Variants in ZBTB45 observed in about 807,000 individuals in gnomAD.
ZBTB45 encodes zinc finger and BTB domain containing 45, also known as zinc finger and BTB domain-containing protein 45.
ZBTB45 carries 22 observed loss-of-function variants against 28.4 expected under a neutral mutation model. The observed-to-expected ratio is 0.77, with a 90% CI of 0.55 to 1.10. ZBTB45 has a LOEUF of 1.10. ZBTB45 is among the 50% of genes least tolerant of loss of function. The pLI, the probability that ZBTB45 is intolerant of heterozygous loss-of-function variation, is 0.00. For synonymous variants in ZBTB45, 361 were observed against 332.3 expected, an observed-to-expected ratio of 1.09 and a Z score of -0.94; for missense variants, 656 against 750.2, an observed-to-expected ratio of 0.87 and a Z score of 1.47.
chr19:58,514,352 A>G, intron 2 of ZBTB45, 42 bp from the exon 3 acceptor site: 1 of 1,491,904 alleles, frequency 6.7e-7, no homozygotes, highest in Non-Finnish European at 8.9e-7. Context: ...GTCAGACTCT[A>G]CAGCTCCCCG....
At chr19:58,532,896 C>T (rs1466640465) in intron 1 of ZBTB45, among the ~76,000 whole-genome samples, 2 of 150,848 alleles carry the variant, frequency 1.3e-5, no homozygotes, top group African/African-American at 4.9e-5. Flanking sequence ...AGTGCAGTGG[C>T]GTGAACTGGA....
chr19:58,530,681 CTTTTT>C (rs112607398), intron 1 of ZBTB45, among the ~76,000 whole-genome samples: 2 of 144,374 alleles, frequency 1.4e-5, no homozygotes, highest in African/African-American at 5.1e-5. Context: ...TGTTTTCTTT[CTTTTT>C]TTTTTTTCTT....
chr19:58,516,842 A>G lies in ZBTB45; in HGVS notation c.832T>C (p.Ser278Pro). The part of the protein sequence containing the change: ...AGRDFLRGAG[S>P]AEDVFPDSYV... ...CTGTCTGGAAATACGTCCTCAGCTG[A>G]CCCAGCTCCCCGAAGAAAATCTCTC... The change falls in exon 2 of 3, where the codon TCA becomes CCA. Residue 278 changes from serine (S) to proline (P), a missense_variant. Coordinates refer to ENST00000594051, the MANE Select transcript of ZBTB45 (RefSeq NM_001316979.2). The surrounding 1 kb of genome is among the most constrained non-coding windows in gnomAD (Gnocchi z 6.2). 3 of 1,613,582 alleles carry G rather than the reference A, an allele frequency of 1.9e-6. No homozygotes were observed. Among genetic ancestry groups the G allele is most frequent in the Non-Finnish European group, 2.5e-6 (3 of 1,180,010 alleles).
chr19:58,536,150 G>A (rs1386939879), intron 1 of ZBTB45, among the ~76,000 whole-genome samples: 1 of 151,908 alleles, frequency 6.6e-6, no homozygotes, highest in Non-Finnish European at 1.5e-5. Context: ...GGCCAACATG[G>A]TAAAACCCCC....
chr19:58,522,227 T>A (rs529190063), upstream of ZBTB45, among the ~76,000 whole-genome samples: 12 of 151,240 alleles, frequency 7.9e-5, no homozygotes, highest in Admixed American at 4.0e-4. Context: ...AATGGCGCGA[T>A]CTTGGCTCAC....
rs760968278 is a variant in ZBTB45 at position 58,517,494 on chromosome 19, G to T, written c.180C>A (p.Asp60Glu). ...TCTCAGAGTGGCCGAGCAGCAGCTTGTCTTGGAAGAAGGGTGAGCCGGCCG... is the reference window on the plus strand; with the variant it reads ...TCTCAGAGTGGCCGAGCAGCAGCTTTTCTTGGAAGAAGGGTGAGCCGGCCG... Reference protein sequence around the residue: ...VLAAGSPFFQDKLLLGHSEIR... With the variant: ...VLAAGSPFFQEKLLLGHSEIR... Residue 60 changes from aspartate to glutamate, a missense_variant, in exon 2 of 3, where the codon GAC becomes GAA. Around this residue, in one of 3 missense-constraint regions of ZBTB45, gnomAD observed 105 missense variants for 152.4 expected, o/e 0.69. Transcript: ENST00000594051. The T allele has an allele frequency of 6.2e-7, 1 of 1,613,344 alleles. No homozygotes were observed. The highest frequency in any genetic ancestry group is 8.5e-7 in the Non-Finnish European group (1 of 1,179,994).
At chr19:58,517,816 G>C (rs2053532795) in intron 1 of ZBTB45, 143 bp from the exon 2 acceptor site, 1 of 703,438 alleles carries the variant, frequency 1.4e-6, no homozygotes, top group South Asian at 1.9e-5. Flanking sequence ...CTCCCCAGCT[G>C]CCCTTCACAG....
At chr19:58,538,782 T>G (rs986560705) in exon 1 of ZBTB45, 1 of 152,350 alleles carries the variant, frequency 6.6e-6, no homozygotes, top group Non-Finnish European at 1.5e-5. Context: ...CTCCGGAAGC[T>G]GCCACCTACC....
chr19:58,513,938 C>T lies in ZBTB45; in HGVS notation c.*116G>A, dbSNP rs1428743951. The T allele has an allele frequency of 8.1e-7, 1 of 1,242,062 alleles. No individual in the cohort carries two copies. Among genetic ancestry groups the T allele is most frequent in the Non-Finnish European group, 1.0e-6 (1 of 960,900 alleles). 76.9% of individuals were successfully genotyped at this position (1,242,062 alleles called of 1,614,324 possible). On this transcript the variant is annotated 3_prime_UTR_variant, in exon 3 of 3. Transcript: ENST00000594051. The stretch of plus-strand genomic sequence containing the variant: ...AGAAAGGGTGAAGGGAGAGAGAGGA[C>T]CTGCGCTCAGGAGGGAGCGTGGTCT...
intron 1 of ZBTB45, among the ~76,000 whole-genome samples, chr19:58,538,525 C>G (rs1339228310): frequency 6.6e-6 from 1 of 152,098 alleles, no homozygotes; most frequent in South Asian, 2.1e-4. Context: ...CGGGCTGGAA[C>G]AAAGGCAGAG....
In ZBTB45 at chr19:58,517,064, CAG is replaced by C. The variant is rs1372987822; in HGVS notation, c.608_609del (p.Pro203ArgfsTer2). ...TCGTCATCCTCGTCACCTCGGTCAT[CAG>C]GGGCCGCGGACAGTGAGGGGTCAGC... The part of the protein sequence containing the change: ...PDADPSLSAA[P>X]DDRGDEDDEE... On this transcript the variant is annotated frameshift_variant, in exon 2 of 3. Coordinates refer to ENST00000594051, the MANE Select transcript of ZBTB45 (RefSeq NM_001316979.2). LOFTEE classifies it high-confidence loss of function. 5.0e-6 allele frequency: 8 copies of C among 1,613,130 alleles called. No homozygotes were observed. The highest frequency in any genetic ancestry group is 6.8e-6 in the Non-Finnish European group (8 of 1,180,002).
chr19:58,513,823 G>C lies in ZBTB45; in HGVS notation c.*231C>G. 2 of 484,066 alleles carry C rather than the reference G, an allele frequency of 4.1e-6. No individual in the cohort carries two copies. The highest frequency in any genetic ancestry group is 6.8e-6 in the Non-Finnish European group (2 of 295,972). The allele number at this position is 484,066 out of a possible 1,614,324, so 30.0% of individuals were successfully genotyped here. On this transcript the variant is annotated 3_prime_UTR_variant, in exon 3 of 3. Transcript: ENST00000594051. ...GGAAATAGTCCAGTTCTCAGAAGTG[G>C]TCTAACCAGCCCCAGCCCCAGCCCG...
At chr19:58,519,825 C>G (rs1170963372), upstream of ZBTB45, 2 of 152,414 alleles carry the variant, frequency 1.3e-5, no homozygotes, top group African/African-American at 4.8e-5. Context: ...GGCCGTTACC[C>G]CGGCGGAACG....
intron 1 of ZBTB45, among the ~76,000 whole-genome samples, chr19:58,538,151 C>T (rs2053670642): frequency 6.6e-6 from 1 of 152,058 alleles, no homozygotes; most frequent in Non-Finnish European, 1.5e-5. Flanking sequence ...GCAAATATTC[C>T]TAAAGGACGC....
upstream of ZBTB45, among the ~76,000 whole-genome samples, chr19:58,521,205 A>C (rs930335919): frequency 2.0e-5 from 3 of 149,574 alleles, no homozygotes; most frequent in African/African-American, 7.4e-5. Context: ...TCTACTAAAA[A>C]TACAAAAAAA....
At chr19:58,522,560 G>A (rs2053584532), upstream of ZBTB45, among the ~76,000 whole-genome samples, 2 of 151,962 alleles carry the variant, frequency 1.3e-5, no homozygotes, top group Admixed American at 1.3e-4. Context: ...GCTTGAACCC[G>A]GGAGGCAGAG....
chr19:58,522,374 C>G (rs899240774), upstream of ZBTB45, among the ~76,000 whole-genome samples: 10 of 151,440 alleles, frequency 6.6e-5, no homozygotes, highest in African/African-American at 2.4e-4. Context: ...GTTCACCAGG[C>G]TGGTCTCAAA....
Position 58,514,084 on chromosome 19 carries a change from C to T in ZBTB45, c.1506G>A (p.Glu502=), listed in dbSNP as rs2053453371. ...GKVFSHRALL[E]RHLAAHPAP ...GCGCAGGGTGCGCCGCCAGGTGGCG[C>T]TCCAGCAGCGCGCGGTGCGAGAAGA... The change falls in exon 3 of 3, where the codon GAG becomes GAA. Residue 502 remains glutamate, a synonymous_variant. Coordinates refer to ENST00000594051, the MANE Select transcript of ZBTB45 (RefSeq NM_001316979.2). 3 of 1,560,774 alleles carry T rather than the reference C, an allele frequency of 1.9e-6. No homozygotes were observed. The highest frequency in any genetic ancestry group is 2.6e-6 in the Non-Finnish European group (3 of 1,156,476).
intron 1 of ZBTB45, among the ~76,000 whole-genome samples, chr19:58,528,503 T>C (rs902905476): frequency 6.7e-6 from 1 of 150,222 alleles, no homozygotes; most frequent in Non-Finnish European, 1.5e-5. Context: ...CTCACGCCTA[T>C]AATCCCAGCA....
Sources: gnomAD v4.1 joint callset for allele counts (sites outside exome capture counted in the v4.1 genomes callset) on GRCh38, gnomAD v4.1.1 for gene constraint, gnomAD v4.1.1 regional missense constraint, Gnocchi (gnomAD v3.1) non-coding constraint, MANE v1.5 for transcripts, NCBI Gene and HGNC (gene_info 2026-07-23, HGNC 2026-07-21) for gene names.